NFIB: variants seen among roughly 807,000 people sequenced by gnomAD.
The protein encoded by NFIB is nuclear factor I B.
A neutral mutation model predicts 61.5 loss-of-function variants in NFIB; 11 were observed. The ratio of observed to expected loss-of-function variants is 0.18; its 90% CI spans 0.11 to 0.30. The LOEUF (loss-of-function observed/expected upper bound fraction) is 0.30. Among genes scored for constraint, NFIB ranks in the 10% least tolerant of loss-of-function variants. The probability of loss-of-function intolerance (pLI) is 1.00; values close to 1 mark genes in which losing one functional copy is unlikely to be tolerated. For missense variants in NFIB, 471 were observed against 608.9 expected (o/e 0.77, Z 2.38); for synonymous variants, 260 against 216.5 (o/e 1.20, Z -1.76).
At chr9:14,485,497 T>C in the NFIB span, among the ~76,000 whole-genome samples, 8 of 152,248 alleles carry the variant, frequency 5.3e-5, no homozygotes, top group Non-Finnish European at 1.2e-4. Context: ...AGTAGTTGTG[T>C]TGGCATCTAC....
chr9:14,404,405 A>T, the NFIB span, among the ~76,000 whole-genome samples: 1 of 152,186 alleles, frequency 6.6e-6, no homozygotes, highest in Non-Finnish European at 1.5e-5. Context: ...AGAAATCTTG[A>T]TGGATAGGAA....
At chr9:14,380,555 G>A (rs2061475636) in intron 1 of NFIB, among the ~76,000 whole-genome samples, 1 of 152,142 alleles carries the variant, frequency 6.6e-6, no homozygotes, top group African/African-American at 2.4e-5. Flanking sequence ...GAGTATACAT[G>A]GGAAATGATT....
chr9:14,339,472 G>A (rs957030974), intron 1 of NFIB, among the ~76,000 whole-genome samples: 13 of 151,988 alleles, frequency 8.6e-5, no homozygotes, highest in Non-Finnish European at 1.8e-4. Context: ...ATTTCATTCT[G>A]CCTTTTCCAG....
chr9:14,129,303 C>T (rs543242440), intron 6 of NFIB, among the ~76,000 whole-genome samples: 1 of 151,150 alleles, frequency 6.6e-6, no homozygotes, highest in South Asian at 2.1e-4. Flanking sequence ...TAATTCTTGG[C>T]CCATTAATAA....
chr9:14,380,837 G>A (rs549917543), intron 1 of NFIB, among the ~76,000 whole-genome samples: 1 of 152,038 alleles, frequency 6.6e-6, no homozygotes, highest in South Asian at 2.1e-4. Context: ...AACCAGGAAG[G>A]GGCCAAGCAG....
At chr9:14,174,442 G>A (rs1210572830) in intron 3 of NFIB, among the ~76,000 whole-genome samples, 1 of 152,084 alleles carries the variant, frequency 6.6e-6, no homozygotes, top group Non-Finnish European at 1.5e-5. Flanking sequence ...CAATAAATGA[G>A]GACATGAGAA....
At chr9:14,471,664 G>C in the NFIB span, among the ~76,000 whole-genome samples, 1 of 152,148 alleles carries the variant, frequency 6.6e-6, no homozygotes, top group Non-Finnish European at 1.5e-5. Context: ...AGGTTTTTCT[G>C]GTTCCACTTT....
chr9:14,235,490 T>G (rs2131983282), intron 2 of NFIB, among the ~76,000 whole-genome samples: 1 of 152,314 alleles, frequency 6.6e-6, no homozygotes, highest in East Asian at 1.9e-4. Flanking sequence ...TATCTCACCC[T>G]AAAAGATCCC....
At chr9:14,484,037 A>T in the NFIB span, among the ~76,000 whole-genome samples, 1 of 152,238 alleles carries the variant, frequency 6.6e-6, no homozygotes, top group Non-Finnish European at 1.5e-5. Flanking sequence ...GCTCTAGGGA[A>T]TTAAATAGTT....
chr9:14,165,093 A>T (rs1385958334), intron 3 of NFIB, among the ~76,000 whole-genome samples: 1 of 152,186 alleles, frequency 6.6e-6, no homozygotes. Flanking sequence ...TAAAAATTTG[A>T]CAATCCTAGA....
At chr9:14,318,505 C>CTTTTTTTTTTTT (rs34481505), upstream of NFIB, among the ~76,000 whole-genome samples, 30 of 66,854 alleles carry the variant, frequency 4.5e-4, no homozygotes, top group African/African-American at 7.2e-4. Context: ...CACTCGATGC[C>CTTTTTTTTTTTT]TTTTTTTTTT....
intron 2 of NFIB, among the ~76,000 whole-genome samples, chr9:14,231,729 G>C (rs1404873461): frequency 6.6e-6 from 1 of 152,046 alleles, no homozygotes; most frequent in African/African-American, 2.4e-5. Context: ...CTTATGACAG[G>C]ACACGTGAAT....
At chr9:14,469,794 G>C in the NFIB span, among the ~76,000 whole-genome samples, 1 of 152,064 alleles carries the variant, frequency 6.6e-6, no homozygotes, top group African/African-American at 2.4e-5. Context: ...TGCCTGGGGA[G>C]GTCTCCAACT....
chr9:14,424,516 C>T, the NFIB span, among the ~76,000 whole-genome samples: 7 of 152,278 alleles, frequency 4.6e-5, no homozygotes, highest in South Asian at 6.2e-4. Flanking sequence ...CCAGTTTACG[C>T]GGGGCGACCT....
chr9:14,169,221 A>C (rs2045281465), intron 3 of NFIB, among the ~76,000 whole-genome samples: 1 of 152,172 alleles, frequency 6.6e-6, no homozygotes, highest in Admixed American at 6.5e-5. Flanking sequence ...AACAAGTGGA[A>C]GTGATGATTT....
intron 1 of NFIB, among the ~76,000 whole-genome samples, chr9:14,389,686 C>G (rs568937013): frequency 2.6e-5 from 4 of 152,218 alleles, no homozygotes; most frequent in African/African-American, 9.6e-5. Flanking sequence ...ATAATGGGTC[C>G]TCCTCAATTA....
At chr9:14,411,323 G>A in the NFIB span, among the ~76,000 whole-genome samples, 4 of 152,132 alleles carry the variant, frequency 2.6e-5, 1 homozygote, top group South Asian at 4.1e-4. Context: ...ATACAAATCC[G>A]GTACATTTAT....
At chr9:14,524,259 A>G in the NFIB span, among the ~76,000 whole-genome samples, 1 of 152,202 alleles carries the variant, frequency 6.6e-6, no homozygotes, top group Non-Finnish European at 1.5e-5. Flanking sequence ...TAAGTGCCAT[A>G]TAATACAGTA....
At chr9:14,103,923 TC>T (rs2036157315) in intron 10 of NFIB, among the ~76,000 whole-genome samples, 1 of 151,646 alleles carries the variant, frequency 6.6e-6, no homozygotes, top group Non-Finnish European at 1.5e-5. Flanking sequence ...AAATAAATAT[TC>T]TTTTTTTTTT....
Sources: allele counts gnomAD v4.1 joint callset (sites outside exome capture counted in the v4.1 genomes callset), GRCh38; gene constraint gnomAD v4.1.1; transcripts MANE v1.5; gene names NCBI Gene and HGNC (gene_info 2026-07-23, HGNC 2026-07-21).